Variants in SPTBN5 observed in about 807,000 individuals in gnomAD.
The protein encoded by SPTBN5 is spectrin beta, non-erythrocytic 5, also known as spectrin beta chain, non-erythrocytic 5.
SPTBN5 carries 513 observed loss-of-function variants against 477.6 expected under a neutral mutation model. The observed-to-expected ratio is 1.07, with a 90% CI of 1.00 to 1.16. SPTBN5 has a LOEUF of 1.16. Ranked by LOEUF, SPTBN5 falls within the 50% of genes most tolerant of loss-of-function variation. The pLI, the probability that SPTBN5 is intolerant of heterozygous loss-of-function variation, is 0.00. For missense variants in SPTBN5, 5,062 were observed against 4,731.8 expected (o/e 1.07, Z -2.05); for synonymous variants, 2,169 against 2,011.7 (o/e 1.08, Z -2.09).
Position 41,873,926 on chromosome 15 carries a change from C to A in SPTBN5, c.4809G>T (p.Glu1603Asp), listed in dbSNP as rs781627250. 1 of 1,610,890 alleles carries A rather than the reference C, an allele frequency of 6.2e-7. No individual in the cohort carries two copies. Among genetic ancestry groups the A allele is most frequent in the Admixed American group, 1.7e-5 (1 of 60,032 alleles). ...CCAGCTCTGCCCAGTGGCCTTCCAG[C>A]TCCTGGCACTGCTCCACGATGTGTT... is the stretch of plus-strand genomic sequence containing the variant. ...QAQHIVEQCQ[E>D]LEGHWAELER... The change falls in exon 25 of 68, where the codon GAG (glutamate) becomes GAT (aspartate). Residue 1603 changes from glutamate (E) to aspartate (D), a missense_variant. Transcript: ENST00000320955.
rs1366520138 is a variant in SPTBN5, at chr15:41,882,435, A to G, written c.2081T>C (p.Val694Ala). ...LEAEVHRHQA[V>A]CVDLVRRGRD... ...TCCCCTCCGCACGAGATCTACGCAC[A>G]CGGCCTGGTGGCGGTGGACCTCAGC... The change falls in exon 11 of 68, where the codon GTG becomes GCG. Residue 694 changes from valine (V) to alanine (A), a missense_variant. Val to Ala is a moderately conservative substitution (Grantham distance 64). Transcript: ENST00000320955. 6.5e-7 allele frequency: 1 copy of G among 1,549,960 alleles called. No individual in the cohort carries two copies. Among genetic ancestry groups the G allele is most frequent in the Non-Finnish European group, 8.7e-7 (1 of 1,154,610 alleles).
intron 23 of SPTBN5, 75 bp downstream of exon 23, chr15:41,874,767 T>C: frequency 6.9e-7 from 1 of 1,453,440 alleles, no homozygotes; most frequent in Middle Eastern, 2.5e-4. Flanking sequence ...ACCCCGGTCC[T>C]GTGGGTGCCA....
intron 9 of SPTBN5, 33 bp downstream of exon 9, chr15:41,882,963 G>A: frequency 2.6e-6 from 4 of 1,517,268 alleles, no homozygotes; most frequent in Non-Finnish European, 3.5e-6. Context: ...GAAAAGTTCT[G>A]GGAAAGGTGG....
At chr15:41,891,744 C>T (rs1426491814) in intron 3 of SPTBN5, among the ~76,000 whole-genome samples, 2 of 152,186 alleles carry the variant, frequency 1.3e-5, no homozygotes, top group Non-Finnish European at 2.9e-5. Context: ...ATAGAATGCC[C>T]AGGGCATGGG....
At chr15:41,864,084 C>T (rs535553588) in intron 39 of SPTBN5, 60 bp from the exon 40 acceptor site, 3 of 1,429,622 alleles carry the variant, frequency 2.1e-6, no homozygotes, top group African/African-American at 1.4e-5. Context: ...CTTCTTCCCA[C>T]CTCAGCAGGC....
chr15:41,871,388 GC>G lies in SPTBN5; in HGVS notation c.5433del (p.Arg1811SerfsTer15). 1 of 1,464,458 alleles carries G rather than the reference GC, an allele frequency of 6.8e-7. No individual in the cohort carries two copies. Among genetic ancestry groups the G allele is most frequent in the Non-Finnish European group, 9.0e-7 (1 of 1,105,076 alleles). The allele number at this position is 1,464,458 out of a possible 1,614,324, so 90.7% of individuals were successfully genotyped here. ...GHSAGPMVRQRQQDLQTAWSE... is the reference protein window; with the variant it reads ...GHSAGPMVRQXQQDLQTAWSE... ...TTGGGCACTCACTGCAGATCCTGCT[GC>G]CTCTGACGGACCATGGGGCCAGCAC... is the stretch of plus-strand genomic sequence containing the variant. On this transcript the variant is annotated frameshift_variant, in exon 29 of 68. Coordinates refer to ENST00000320955, the MANE Select transcript of SPTBN5 (RefSeq NM_016642.4). LOFTEE classifies it high-confidence loss of function.
chr15:41,849,142 C>T (rs989937484), intron 67 of SPTBN5, among the ~76,000 whole-genome samples: 2 of 152,218 alleles, frequency 1.3e-5, no homozygotes, highest in African/African-American at 4.8e-5. Flanking sequence ...TGTCTCCAGT[C>T]CCTCCTCCAC....
At chr15:41,876,690 T>TGCC in intron 19 of SPTBN5, 43 bp from the exon 20 acceptor site, 1 of 1,559,014 alleles carries the variant, frequency 6.4e-7, no homozygotes. Context: ...GGGAGAGGAC[T>TGCC]CCCACCCCAG....
At chr15:41,851,967 G>T in intron 62 of SPTBN5, 117 bp from the exon 63 acceptor site, 1 of 973,894 alleles carries the variant, frequency 1.0e-6, no homozygotes, top group Non-Finnish European at 1.5e-6. Flanking sequence ...AACCAGGCCT[G>T]ACCCTGCTTA....
chr15:41,854,423 G>A (rs908893985), intron 56 of SPTBN5, among the ~76,000 whole-genome samples: 1 of 152,006 alleles, frequency 6.6e-6, no homozygotes, highest in Non-Finnish European at 1.5e-5. Context: ...GTGGGGAGAG[G>A]AGAGGGCCTC....
In SPTBN5 at chr15:41,886,425, A is replaced by C. The variant is rs931261195; in HGVS notation, c.889-59T>G. On this transcript the variant is annotated intron_variant, in intron 6 of 67. Coordinates refer to ENST00000320955, the MANE Select transcript of SPTBN5 (RefSeq NM_016642.4). ...TCTCAGGGCAGGCCCTGGAATGGGCACTGAGTGCCAGCCAGAGTTCCCCAG... is the reference window on the plus strand; with the variant it reads ...TCTCAGGGCAGGCCCTGGAATGGGCCCTGAGTGCCAGCCAGAGTTCCCCAG... 6 of 1,501,492 alleles carry C rather than the reference A, an allele frequency of 4.0e-6. No individual in the cohort carries two copies. In the African/African-American group the frequency reaches 8.4e-5, roughly 21 times the overall value. 93.0% of individuals were successfully genotyped at this position (1,501,492 alleles called of 1,614,324 possible). A position where few individuals can be genotyped will look rare whatever the true frequency, so the allele number is the denominator to read the frequency against.
At chr15:41,877,567 G>C (rs1040696031) in intron 17 of SPTBN5, among the ~76,000 whole-genome samples, 1 of 152,220 alleles carries the variant, frequency 6.6e-6, no homozygotes, top group East Asian at 1.9e-4. Context: ...GCCGATGCCC[G>C]GCCTAGAGGA....
At position 41,862,355 on chromosome 15, in the gene SPTBN5, G is replaced by GT. The variant is rs569277590; in HGVS notation, c.7386-64dup. The GT allele has an allele frequency of 4.4e-4, 677 of 1,541,880 alleles. 7 individuals carry two copies. The South Asian group carries it at 8.0e-3, about 18-fold the overall frequency. ...AAACCCCTCTCCCCCATGCCCACTG[G>GT]TGTCTTCTGTCCCTTAATCCCCTCA... On this transcript the variant is annotated intron_variant, in intron 43 of 67. Coordinates refer to ENST00000320955, the MANE Select transcript of SPTBN5 (RefSeq NM_016642.4).
intron 12 of SPTBN5, among the ~76,000 whole-genome samples, chr15:41,881,697 C>T (rs2140959520): frequency 6.6e-6 from 1 of 152,326 alleles, no homozygotes; most frequent in South Asian, 2.1e-4. Flanking sequence ...GCAACAGGAG[C>T]CAGGCCAAGC....
At position 41,876,663 on chromosome 15, in the gene SPTBN5, G is replaced by T. The variant is rs746736367; in HGVS notation, c.3852-16C>A. On this transcript the variant is annotated splice_polypyrimidine_tract_variant and intron_variant, in intron 19 of 67. Transcript: ENST00000320955. ...CTCTCTGACCCTGGAGGGCGGGGGG[G>T]GGTTGGAGGAGGGCATGGGAGAGGA... 15 of 1,431,538 alleles carry T rather than the reference G, an allele frequency of 1.0e-5. No individual in the cohort carries two copies. The highest frequency in any genetic ancestry group is 3.0e-5 in the African/African-American group (2 of 66,696). The allele number at this position is 1,431,538 out of a possible 1,614,324, so 88.7% of individuals were successfully genotyped here.
At position 41,877,035 on chromosome 15, in the gene SPTBN5, A is replaced by C. The variant is rs560984383; in HGVS notation, c.3711+81T>G. On this transcript the variant is annotated intron_variant, in intron 18 of 67. Transcript: ENST00000320955. ...CCACTGCCCCAGGGGCCTCCTGCCC[A>C]GCCTGGCTTCTGGACTCAAGGGGAT... 6.9e-6 allele frequency: 11 copies of C among 1,594,374 alleles called. 1 individual carries two copies. The South Asian group carries it at 1.2e-4, about 18-fold the overall frequency.
At chr15:41,870,907 G>A (rs903529090) in intron 29 of SPTBN5, among the ~76,000 whole-genome samples, 5 of 152,240 alleles carry the variant, frequency 3.3e-5, no homozygotes, top group African/African-American at 7.2e-5. Context: ...TCCGTTCCTC[G>A]CTAACTCTGC....
rs1230620906 is a variant in SPTBN5 at position 41,869,941 on chromosome 15, T to C, written c.5753A>G (p.Gln1918Arg). Residue 1918 changes from glutamine to arginine, a missense_variant, in exon 32 of 68, where the codon CAG becomes CGG. Physicochemically the swap from Gln to Arg is conservative, Grantham distance 43 (BLOSUM62 1). Coordinates refer to ENST00000320955, the MANE Select transcript of SPTBN5 (RefSeq NM_016642.4). ...TGCCCACGCCTGCGTCACAGCTTGC[T>C]GCCTCTGCTGCACCGCATGGGCCTG... ...GPQAHAVQQRQQAVTQAWAVL... is the reference protein window; with the variant it reads ...GPQAHAVQQRRQAVTQAWAVL... The C allele has an allele frequency of 6.4e-7, 1 of 1,555,440 alleles. No individual in the cohort carries two copies. Among genetic ancestry groups the C allele is most frequent in the South Asian group, 1.2e-5 (1 of 85,104 alleles).
Position 41,849,860 on chromosome 15 carries a change from G to A in SPTBN5, c.11012+9C>T, listed in dbSNP as rs1175815716. On this transcript the variant is annotated intron_variant, in intron 67 of 67. Transcript: ENST00000320955. ...TCCCCGCCCTGCTTCCCCCACCCAG[G>A]TGTCCCACCTGAGTAGACATCCAGG... 1 of 1,562,710 alleles carries A rather than the reference G, an allele frequency of 6.4e-7. No individual in the cohort carries two copies. The highest frequency in any genetic ancestry group is 1.2e-5 in the South Asian group (1 of 84,868).
Sources: gnomAD v4.1 joint callset for allele counts (sites outside exome capture counted in the v4.1 genomes callset) on GRCh38, gnomAD v4.1.1 for gene constraint, MANE v1.5 for transcripts, NCBI Gene and HGNC (gene_info 2026-07-23, HGNC 2026-07-21) for gene names.